Variants in SYCP1 observed in about 807,000 individuals in gnomAD.
The protein encoded by SYCP1 is cancer/testis antigen 8.
A neutral mutation model predicts 153.1 loss-of-function variants in SYCP1; 64 were observed. The observed-to-expected ratio is 0.42, with a 90% CI of 0.34 to 0.51. The LOEUF (loss-of-function observed/expected upper bound fraction) is 0.51. Among genes scored for constraint, SYCP1 ranks in the 20% least tolerant of loss-of-function variants. The pLI, the probability that SYCP1 is intolerant of heterozygous loss-of-function variation, is 0.06. For synonymous variants in SYCP1, 384 were observed against 341.8 expected (o/e 1.12, Z -1.36); for missense variants, 997 against 1,049.0 (o/e 0.95, Z 0.68).
intron 16 of SYCP1, among the ~76,000 whole-genome samples, chr1:114,903,325 A>AT (rs1267490609): frequency 2.0e-5 from 3 of 152,234 alleles, no homozygotes; most frequent in Non-Finnish European, 2.9e-5. Flanking sequence ...GAAATGTAAC[A>AT]TTACAATGGT....
intron 20 of SYCP1, among the ~76,000 whole-genome samples, chr1:114,915,788 G>A (rs1303440926): frequency 2.6e-5 from 4 of 152,198 alleles, no homozygotes; most frequent in Non-Finnish European, 4.4e-5. Context: ...CAGGTATTAG[G>A]TAAGTTAATT....
intron 15 of SYCP1, among the ~76,000 whole-genome samples, chr1:114,892,194 T>G (rs1318133655): frequency 6.6e-6 from 1 of 152,122 alleles, no homozygotes; most frequent in African/African-American, 2.4e-5. Context: ...TGGGCCTATC[T>G]TCAGGCTTCC....
At chr1:114,923,310 T>C (rs561471954) in intron 20 of SYCP1, 139 bp from the exon 21 acceptor site, 38 of 831,654 alleles carry the variant, frequency 4.6e-5, no homozygotes, top group Admixed American at 3.1e-4. Flanking sequence ...TTTGTACTTA[T>C]ATTATGAAGT....
At chr1:114,894,336 A>G (rs1666920423) in intron 15 of SYCP1, among the ~76,000 whole-genome samples, 2 of 152,200 alleles carry the variant, frequency 1.3e-5, no homozygotes, top group African/African-American at 2.4e-5. Flanking sequence ...TAAGTCTATT[A>G]CATTTCCATT....
chr1:114,857,342 A>C, intron 4 of SYCP1, 67 bp downstream of exon 4: 2 of 1,554,092 alleles, frequency 1.3e-6, no homozygotes, highest in East Asian at 4.5e-5. Context: ...TGAAGACGAA[A>C]AAAGTCTTTA....
chr1:114,890,172 C>T (rs1467597709), intron 15 of SYCP1, among the ~76,000 whole-genome samples: 3 of 151,864 alleles, frequency 2.0e-5, no homozygotes, highest in Admixed American at 1.3e-4. Flanking sequence ...AACATACCAT[C>T]CTTTTGAGAA....
At chr1:114,857,412 G>GCTTCTT in intron 4 of SYCP1, 32 bp from the exon 5 acceptor site, 1 of 1,569,392 alleles carries the variant, frequency 6.4e-7, no homozygotes, top group Non-Finnish European at 8.7e-7. Flanking sequence ...CTTATCAGAA[G>GCTTCTT]TATTTTCTTA....
chr1:114,867,024 G>T (rs564372506), intron 8 of SYCP1, among the ~76,000 whole-genome samples: 2 of 151,728 alleles, frequency 1.3e-5, no homozygotes, highest in East Asian at 3.9e-4. Flanking sequence ...ATTTGTTTGG[G>T]TCTATTTGTT....
At chr1:114,892,855 G>A (rs1206111552) in intron 15 of SYCP1, among the ~76,000 whole-genome samples, 1 of 151,902 alleles carries the variant, frequency 6.6e-6, no homozygotes, top group African/African-American at 2.4e-5. Context: ...GGGTTTTTGG[G>A]CCCCAGAGCA....
intron 8 of SYCP1, among the ~76,000 whole-genome samples, chr1:114,869,974 T>C (rs1665006124): frequency 6.6e-6 from 1 of 152,220 alleles, no homozygotes; most frequent in Non-Finnish European, 1.5e-5. Context: ...AAAATTGTTA[T>C]ATCTCCTTGG....
At chr1:114,947,839 A>G (rs1202026263) in intron 27 of SYCP1, among the ~76,000 whole-genome samples, 1 of 140,162 alleles carries the variant, frequency 7.1e-6, no homozygotes, top group African/African-American at 2.5e-5. Flanking sequence ...AAAAAAAAAA[A>G]AAAGAAAAGG....
intron 30 of SYCP1, among the ~76,000 whole-genome samples, chr1:114,989,684 T>C (rs986008857): frequency 5.9e-5 from 9 of 151,936 alleles, no homozygotes; most frequent in Non-Finnish European, 1.2e-4. Context: ...TCTGTGCATA[T>C]AGTAACCAAA....
intron 27 of SYCP1, among the ~76,000 whole-genome samples, chr1:114,951,542 G>T (rs1173295446): frequency 6.6e-6 from 1 of 152,190 alleles, no homozygotes; most frequent in East Asian, 1.9e-4. Context: ...ACATTTTGAA[G>T]AGGGAGGAAA....
chr1:114,981,086 A>G (rs911182312), intron 28 of SYCP1, among the ~76,000 whole-genome samples: 3 of 151,852 alleles, frequency 2.0e-5, no homozygotes, highest in Admixed American at 2.0e-4. Flanking sequence ...CCTCCAGGAT[A>G]TCTTATTTGT....
chr1:114,975,503 T>G (rs1052615397), intron 27 of SYCP1, among the ~76,000 whole-genome samples: 1 of 151,816 alleles, frequency 6.6e-6, no homozygotes, highest in African/African-American at 2.4e-5. Context: ...TATTTTACAT[T>G]GTCAAGATTG....
intron 30 of SYCP1, among the ~76,000 whole-genome samples, chr1:114,987,897 A>C (rs1039283143): frequency 5.3e-5 from 8 of 151,848 alleles, no homozygotes; most frequent in African/African-American, 1.4e-4. Flanking sequence ...GTGTGAATAA[A>C]ATGAGAATAT....
Position 114,876,264 on chromosome 1 carries a change from T to C in SYCP1, c.727+126T>C, listed in dbSNP as rs188879517. On this transcript the variant is annotated intron_variant, in intron 10 of 31. Coordinates refer to ENST00000369522, the MANE Select transcript of SYCP1 (RefSeq NM_003176.4). ...AACTATTTTCTATTTTATTTATTTCTGTAAGCCCCTCTAAATCTTGTGGAA... is the reference window on the plus strand; with the variant it reads ...AACTATTTTCTATTTTATTTATTTCCGTAAGCCCCTCTAAATCTTGTGGAA... 2.8e-4 allele frequency: 151 copies of C among 545,604 alleles called. 1 individual carries two copies. Among genetic ancestry groups the C allele is most frequent in the African/African-American group, 2.8e-3 (141 of 51,098 alleles). The allele number at this position is 545,604 out of a possible 1,614,324, so 33.8% of individuals were successfully genotyped here.
At chr1:114,911,380 A>C (rs541680061) in intron 17 of SYCP1, 99 bp from the exon 18 acceptor site, 1 of 784,050 alleles carries the variant, frequency 1.3e-6, no homozygotes, top group Non-Finnish European at 1.9e-6. Flanking sequence ...AACCTGCCAA[A>C]TTTTTGCCAA....
At chr1:114,945,058 T>C (rs969523161) in intron 25 of SYCP1, 76 bp downstream of exon 25, 9 of 1,052,144 alleles carry the variant, frequency 8.6e-6, no homozygotes, top group South Asian at 1.6e-5. Context: ...GAAATCAAGA[T>C]AGTATTCTTA....
Sources: gnomAD v4.1 joint callset for allele counts (sites outside exome capture counted in the v4.1 genomes callset) on GRCh38, gnomAD v4.1.1 for gene constraint, MANE v1.5 for transcripts, NCBI Gene and HGNC (gene_info 2026-07-23, HGNC 2026-07-21) for gene names.